Variants in FBXL7 observed in about 807,000 individuals in gnomAD.
The protein encoded by FBXL7 is F-box/LRR-repeat protein 7.
In FBXL7, 12 loss-of-function variants were observed where a neutral mutation model predicts 38.3. The observed-to-expected ratio is 0.31, with a 90% CI of 0.20 to 0.51. The LOEUF (loss-of-function observed/expected upper bound fraction) is 0.51. FBXL7 is among the 20% of genes least tolerant of loss of function. The pLI is 0.98. For synonymous variants in FBXL7, 297 were observed against 300.9 expected, an observed-to-expected ratio of 0.99 and a Z score of 0.13; for missense variants, 567 against 676.4, an observed-to-expected ratio of 0.84 and a Z score of 1.79.
intron 2 of FBXL7, among the ~76,000 whole-genome samples, chr5:15,774,638 C>A (rs995066300): frequency 3.9e-5 from 6 of 152,144 alleles, no homozygotes; most frequent in African/African-American, 1.4e-4. Context: ...AAGGGTGTGC[C>A]ACTTTAATGA....
chr5:15,824,382 CTG>C (rs1244129775), intron 2 of FBXL7, among the ~76,000 whole-genome samples: 6 of 151,858 alleles, frequency 4.0e-5, no homozygotes, highest in Admixed American at 1.3e-4. Flanking sequence ...TCCTACCTGA[CTG>C]TGGCTTATTT....
intron 1 of FBXL7, among the ~76,000 whole-genome samples, chr5:15,538,261 A>G (rs964684051): frequency 3.3e-5 from 5 of 152,212 alleles, no homozygotes; most frequent in Admixed American, 2.0e-4. Flanking sequence ...TTTGAAGTGT[A>G]TAACGACCTA....
chr5:15,791,837 A>G (rs1436512075), intron 2 of FBXL7, among the ~76,000 whole-genome samples: 2 of 152,118 alleles, frequency 1.3e-5, no homozygotes, highest in Admixed American at 6.6e-5. Context: ...CCAGAGAGCA[A>G]AGGAGCCTTA....
At chr5:15,727,992 C>A (rs553699104) in intron 2 of FBXL7, among the ~76,000 whole-genome samples, 4 of 152,234 alleles carry the variant, frequency 2.6e-5, no homozygotes, top group African/African-American at 9.6e-5. Context: ...TTTCTTCTGC[C>A]TGTTCAAATC....
intron 2 of FBXL7, among the ~76,000 whole-genome samples, chr5:15,914,183 G>A (rs528696537): frequency 4.6e-5 from 7 of 152,044 alleles, no homozygotes; most frequent in Admixed American, 1.3e-4. Flanking sequence ...TCAGGTGATC[G>A]AGACCATCCT....
chr5:15,819,184 A>C (rs1411054317), intron 2 of FBXL7, among the ~76,000 whole-genome samples: 1 of 152,312 alleles, frequency 6.6e-6, no homozygotes, highest in Non-Finnish European at 1.5e-5. Context: ...TTGTAGCATG[A>C]AAATAGCCAG....
chr5:15,522,718 GTTC>G (rs1317327374), intron 1 of FBXL7, among the ~76,000 whole-genome samples: 1 of 152,198 alleles, frequency 6.6e-6, no homozygotes. Flanking sequence ...AACCCCAGGT[GTTC>G]TTCTTGTTGA....
At chr5:15,845,121 C>T (rs1326885619) in intron 2 of FBXL7, among the ~76,000 whole-genome samples, 1 of 152,220 alleles carries the variant, frequency 6.6e-6, no homozygotes, top group African/African-American at 2.4e-5. Flanking sequence ...AAGTTAGTAC[C>T]CAATTGTGTT....
At chr5:15,612,233 A>G (rs1033678456) in intron 1 of FBXL7, among the ~76,000 whole-genome samples, 1 of 151,768 alleles carries the variant, frequency 6.6e-6, no homozygotes, top group African/African-American at 2.4e-5. Context: ...AGGGAAAAAA[A>G]GTCTAAACAG....
chr5:15,810,760 A>G (rs1377313870), intron 2 of FBXL7, among the ~76,000 whole-genome samples: 1 of 152,210 alleles, frequency 6.6e-6, no homozygotes, highest in Non-Finnish European at 1.5e-5. Context: ...ATGAAATAAT[A>G]AATTGTAATA....
intron 2 of FBXL7, among the ~76,000 whole-genome samples, chr5:15,756,400 T>C (rs1358792742): frequency 6.6e-6 from 1 of 152,212 alleles, no homozygotes; most frequent in Non-Finnish European, 1.5e-5. Flanking sequence ...AAAATCTTAC[T>C]TACCTCATCC....
chr5:15,591,195 C>T (rs28624806), intron 1 of FBXL7, among the ~76,000 whole-genome samples: 2,955 of 151,998 alleles, frequency 0.019, 88 homozygotes, highest in African/African-American at 0.066. Context: ...TTTGGGAGGC[C>T]GAGGCGGGTG....
At chr5:15,894,158 G>C (rs1175270426) in intron 2 of FBXL7, among the ~76,000 whole-genome samples, 2 of 152,252 alleles carry the variant, frequency 1.3e-5, no homozygotes, top group African/African-American at 4.8e-5. Context: ...TGTTGTCCCA[G>C]CTACTCACTT....
At chr5:15,897,202 G>A (rs1741124978) in intron 2 of FBXL7, among the ~76,000 whole-genome samples, 1 of 151,966 alleles carries the variant, frequency 6.6e-6, no homozygotes, top group African/African-American at 2.4e-5. Flanking sequence ...ATTTTGAAGG[G>A]TCTTCTAAAT....
chr5:15,929,134 GGTGCCCACT>G (rs1376621334), intron 3 of FBXL7, among the ~76,000 whole-genome samples: 3 of 152,166 alleles, frequency 2.0e-5, no homozygotes, highest in African/African-American at 7.2e-5. Flanking sequence ...CGGGCCAGAC[GGTGCCCACT>G]GTGGGTGATA....
intron 3 of FBXL7, chr5:15,935,132 C>T (rs1306290171): frequency 1.9e-6 from 1 of 533,876 alleles, no homozygotes; most frequent in African/African-American, 1.9e-5. Context: ...GACAAGCAGG[C>T]CAGTGGCGTT....
chr5:15,629,000 A>T (rs1001541027), intron 2 of FBXL7, among the ~76,000 whole-genome samples: 1 of 152,010 alleles, frequency 6.6e-6, no homozygotes, highest in Admixed American at 6.6e-5. Context: ...AATATGGACC[A>T]AGCATGGTGG....
chr5:15,640,659 G>T (rs1369390283), intron 2 of FBXL7, among the ~76,000 whole-genome samples: 1 of 152,132 alleles, frequency 6.6e-6, no homozygotes, highest in East Asian at 1.9e-4. Context: ...GAGTAGCTGG[G>T]ATTACAGGTG....
chr5:15,837,692 ATAT>A (rs1250411846), intron 2 of FBXL7, among the ~76,000 whole-genome samples: 2 of 152,148 alleles, frequency 1.3e-5, no homozygotes, highest in Non-Finnish European at 2.9e-5. Flanking sequence ...TAGTGTTAAG[ATAT>A]TATGAGAGCC....
Sources: gnomAD v4.1 joint callset for allele counts (sites outside exome capture counted in the v4.1 genomes callset) on GRCh38, gnomAD v4.1.1 for gene constraint, MANE v1.5 for transcripts, NCBI Gene and HGNC (gene_info 2026-07-23, HGNC 2026-07-21) for gene names.